The following CYYR1 variants were observed in gnomAD, a reference collection of about 807,000 sequenced individuals.
CYYR1 encodes cysteine and tyrosine-rich protein 1.
Under a neutral mutation model 15.2 loss-of-function variants are expected in CYYR1, and 14 were observed. The observed-to-expected ratio is 0.92, with a 90% CI of 0.61 to 1.44. The LOEUF (loss-of-function observed/expected upper bound fraction) is 1.44. Among genes scored for constraint, CYYR1 ranks in the 40% most tolerant of loss-of-function variants. The pLI is 0.00. For missense variants in CYYR1, 228 were observed against 209.5 expected, an observed-to-expected ratio of 1.09 and a Z score of -0.54; for synonymous variants, 80 against 77.4, an observed-to-expected ratio of 1.03 and a Z score of -0.18.
intron 2 of CYYR1, among the ~76,000 whole-genome samples, chr21:26,512,536 C>T (rs1197229293): frequency 6.6e-6 from 1 of 152,108 alleles, no homozygotes; most frequent in Non-Finnish European, 1.5e-5. Context: ...ACGCTACATC[C>T]TAGGGGCCAG....
chr21:26,531,364 T>A (rs2065928377), intron 2 of CYYR1, among the ~76,000 whole-genome samples: 1 of 152,108 alleles, frequency 6.6e-6, no homozygotes, highest in South Asian at 2.1e-4. Context: ...AAATATGACT[T>A]ATATGGTTTG....
intron 2 of CYYR1, among the ~76,000 whole-genome samples, chr21:26,509,213 C>G (rs969767630): frequency 1.3e-5 from 2 of 152,140 alleles, no homozygotes; most frequent in South Asian, 4.1e-4. Flanking sequence ...CTGTATTCAG[C>G]TATACTGACC....
At chr21:26,519,032 T>C (rs1336803296) in intron 2 of CYYR1, among the ~76,000 whole-genome samples, 2 of 152,208 alleles carry the variant, frequency 1.3e-5, no homozygotes, top group African/African-American at 4.8e-5. Flanking sequence ...TTTTGGAAGA[T>C]AGTTCCAAGT....
intron 1 of CYYR1, among the ~76,000 whole-genome samples, chr21:26,567,466 A>C (rs1182987409): frequency 1.3e-5 from 2 of 152,178 alleles, no homozygotes; most frequent in African/African-American, 2.4e-5. Context: ...GATAAAAATT[A>C]CTCTAGCTTT....
chr21:26,481,375 G>A (rs540446407), intron 2 of CYYR1, among the ~76,000 whole-genome samples: 75 of 152,110 alleles, frequency 4.9e-4, no homozygotes, highest in African/African-American at 1.6e-3. Context: ...AAAAAAATTC[G>A]TCAGAAAAGG....
intron 2 of CYYR1, among the ~76,000 whole-genome samples, chr21:26,542,434 A>G (rs1042415625): frequency 6.6e-6 from 1 of 152,192 alleles, no homozygotes; most frequent in African/African-American, 2.4e-5. Flanking sequence ...AACAGATGCA[A>G]AAAGCGTTTG....
At chr21:26,468,682 A>T (rs776170977) in intron 3 of CYYR1, 48 bp from the exon 4 acceptor site, 4 of 1,430,374 alleles carry the variant, frequency 2.8e-6, no homozygotes. Context: ...AAATATTTGC[A>T]TTTCTACTGT....
intron 2 of CYYR1, among the ~76,000 whole-genome samples, chr21:26,514,379 C>G (rs2065692799): frequency 1.3e-5 from 2 of 152,034 alleles, no homozygotes. Context: ...CTCCCAAGAC[C>G]TGGTTGTCAA....
At chr21:26,534,014 C>T (rs1335263774) in intron 2 of CYYR1, among the ~76,000 whole-genome samples, 2 of 152,112 alleles carry the variant, frequency 1.3e-5, no homozygotes, top group Non-Finnish European at 2.9e-5. Flanking sequence ...GCACACATAG[C>T]ATGCCACTCA....
At chr21:26,518,106 G>A (rs1240793514) in intron 2 of CYYR1, among the ~76,000 whole-genome samples, 1 of 152,178 alleles carries the variant, frequency 6.6e-6, no homozygotes, top group East Asian at 1.9e-4. Flanking sequence ...AAACTTGGGT[G>A]TGATCACTCC....
intron 2 of CYYR1, among the ~76,000 whole-genome samples, chr21:26,530,295 C>T (rs1468511876): frequency 6.6e-6 from 1 of 151,898 alleles, no homozygotes; most frequent in East Asian, 1.9e-4. Context: ...TAATCCTAAA[C>T]TTAAAGAGAA....
intron 2 of CYYR1, among the ~76,000 whole-genome samples, chr21:26,565,323 T>C (rs1333403382): frequency 6.6e-6 from 1 of 152,164 alleles, no homozygotes; most frequent in African/African-American, 2.4e-5. Context: ...CACATATGAC[T>C]TAGCGCCTAA....
At chr21:26,536,620 A>G (rs1211529742) in intron 2 of CYYR1, among the ~76,000 whole-genome samples, 1 of 152,102 alleles carries the variant, frequency 6.6e-6, no homozygotes, top group East Asian at 1.9e-4. Context: ...TTTAAAATTC[A>G]ATACTTAGGT....
intron 2 of CYYR1, among the ~76,000 whole-genome samples, chr21:26,491,056 A>G (rs1172689128): frequency 9.9e-5 from 15 of 152,202 alleles, no homozygotes; most frequent in Non-Finnish European, 1.5e-5. Context: ...GCCACACAAT[A>G]CAGTCTATCA....
intron 2 of CYYR1, among the ~76,000 whole-genome samples, chr21:26,529,040 T>A (rs2065898206): frequency 6.6e-6 from 1 of 152,226 alleles, no homozygotes. Context: ...TTACTCAGTT[T>A]TTCCTTGTGA....
chr21:26,517,648 C>T (rs909410668), intron 2 of CYYR1, among the ~76,000 whole-genome samples: 4 of 152,088 alleles, frequency 2.6e-5, no homozygotes, highest in Non-Finnish European at 5.9e-5. Flanking sequence ...CTCCATCTCC[C>T]GGATTCAAGT....
At chr21:26,506,070 C>T (rs1367769096) in intron 2 of CYYR1, among the ~76,000 whole-genome samples, 1 of 152,130 alleles carries the variant, frequency 6.6e-6, no homozygotes, top group East Asian at 1.9e-4. Flanking sequence ...ATGCATCCGT[C>T]ATCTCAATAG....
intron 2 of CYYR1, among the ~76,000 whole-genome samples, chr21:26,542,560 T>C (rs934315914): frequency 6.6e-6 from 1 of 152,168 alleles, no homozygotes; most frequent in South Asian, 2.1e-4. Flanking sequence ...TCATGCTTAA[T>C]TGTTTTTTTC....
At chr21:26,563,947 T>A (rs1980424731) in intron 2 of CYYR1, among the ~76,000 whole-genome samples, 1 of 152,238 alleles carries the variant, frequency 6.6e-6, no homozygotes, top group Non-Finnish European at 1.5e-5. Context: ...TTACCTAATA[T>A]TTCATTGTGT....
Sources: gnomAD v4.1 joint callset for allele counts (sites outside exome capture counted in the v4.1 genomes callset) on GRCh38, gnomAD v4.1.1 for gene constraint, MANE v1.5 for transcripts, NCBI Gene and HGNC (gene_info 2026-07-23, HGNC 2026-07-21) for gene names.